The following RFX6 variants were observed in gnomAD, a reference collection of about 807,000 sequenced individuals.
RFX6 encodes regulatory factor X6.
RFX6 carries 50 observed loss-of-function variants against 110.8 expected under a neutral mutation model. That is an observed-to-expected ratio of 0.45 (90% confidence interval 0.36 to 0.57). The LOEUF is 0.57. RFX6 is among the 20% of genes least tolerant of loss of function. RFX6 has a pLI of 0.00. For missense variants in RFX6, 990 were observed against 1,127.0 expected (o/e 0.88, Z 1.74); for synonymous variants, 383 against 411.2 (o/e 0.93, Z 0.83).
chr6:116,878,454 T>C (rs1774515125), intron 2 of RFX6, among the ~76,000 whole-genome samples: 1 of 152,140 alleles, frequency 6.6e-6, no homozygotes, highest in African/African-American at 2.4e-5. Context: ...AAGATATCTA[T>C]ACTAACTTAA....
Position 116,877,283 on chromosome 6 carries a change from A to T in RFX6, c.8A>T (p.Lys3Met). 6.2e-7 allele frequency: 1 copy of T among 1,610,140 alleles called. No homozygotes were observed. Among genetic ancestry groups the T allele is most frequent in the Non-Finnish European group, 8.5e-7 (1 of 1,178,580 alleles). ...TGTCCGGCGGCCAGGAGGATGGCCA[A>T]GGTCCCGGAGCTGGAAGACACCTTC... MA[K>M]VPELEDTFLQ... is the part of the protein sequence containing the mutation. Residue 3 changes from lysine to methionine, a missense_variant, in exon 1 of 19, where the codon AAG becomes ATG. By Grantham distance (95) the Lys-to-Met change is moderately conservative. Coordinates refer to ENST00000332958, the MANE Select transcript of RFX6 (RefSeq NM_173560.4).
At position 116,916,075 on chromosome 6, in the gene RFX6, A is replaced by T. The variant is rs1394415813; in HGVS notation, c.848A>T (p.Asn283Ile). The change falls in exon 8 of 19, where the codon AAC (asparagine) becomes ATC (isoleucine). Residue 283 changes from asparagine to isoleucine, a missense_variant. This residue lies in a region of RFX6 where 243 missense variants were observed against 353.1 expected (regional missense o/e 0.69). Transcript: ENST00000332958. ...QCILDNAING[N>I]FEEIQHFLLH... The stretch of plus-strand genomic sequence containing the variant: ...ATCCTGGACAATGCAATTAATGGAA[A>T]CTTTGAAGAGGTAAGAATGACAAAG... 1 of 1,607,646 alleles carries T rather than the reference A, an allele frequency of 6.2e-7. No homozygotes were observed. Among genetic ancestry groups the T allele is most frequent in the South Asian group, 1.1e-5 (1 of 90,938 alleles).
intron 10 of RFX6, among the ~76,000 whole-genome samples, chr6:116,918,793 G>A (rs1001953603): frequency 6.6e-6 from 1 of 151,882 alleles, no homozygotes; most frequent in Non-Finnish European, 1.5e-5. Flanking sequence ...ATGATAGTTG[G>A]TATTAGCCTG....
chr6:116,882,918 C>T (rs1026028938), intron 4 of RFX6, among the ~76,000 whole-genome samples: 1 of 152,124 alleles, frequency 6.6e-6, no homozygotes, highest in Admixed American at 6.5e-5. Flanking sequence ...TAAATATAAA[C>T]ATAAACTAAG....
chr6:116,879,810 TAA>T (rs1023911711), intron 2 of RFX6, among the ~76,000 whole-genome samples: 2 of 152,046 alleles, frequency 1.3e-5, no homozygotes, highest in African/African-American at 4.8e-5. Context: ...TACATTTATA[TAA>T]GTTATGCTTA....
At chr6:116,900,615 C>G (rs1246775907) in intron 6 of RFX6, among the ~76,000 whole-genome samples, 1 of 150,866 alleles carries the variant, frequency 6.6e-6, no homozygotes, top group Non-Finnish European at 1.5e-5. Flanking sequence ...TTTTATTTCA[C>G]TATGAAATAA....
rs1268727952 is a variant in RFX6 at position 116,916,254 on chromosome 6, C to G, written c.912C>G (p.Pro304=). 1 of 1,612,672 alleles carries G rather than the reference C, an allele frequency of 6.2e-7. No homozygotes were observed. The highest frequency in any genetic ancestry group is 1.7e-5 in the Admixed American group (1 of 59,842). ...FWQGMPDHLL[P]LLENPVIIDI... ...AAGGAATGCCTGACCATCTCCTTCCCCTGCTCGAAAATCCTGTTATCATTG... is the reference window on the plus strand; with the variant it reads ...AAGGAATGCCTGACCATCTCCTTCCGCTGCTCGAAAATCCTGTTATCATTG... The change falls in exon 9 of 19, where the codon CCC becomes CCG. Residue 304 remains proline, a synonymous_variant. Transcript: ENST00000332958.
At chr6:116,930,611 G>A (rs1056918206) in intron 18 of RFX6, among the ~76,000 whole-genome samples, 4 of 152,170 alleles carry the variant, frequency 2.6e-5, no homozygotes, top group Non-Finnish European at 4.4e-5. Flanking sequence ...TCCTGAGGCA[G>A]AAACATTTGA....
At chr6:116,929,032 C>T (rs961095914) in intron 18 of RFX6, 61 bp downstream of exon 18, 2 of 1,046,482 alleles carry the variant, frequency 1.9e-6, no homozygotes, top group South Asian at 2.5e-5. Context: ...AGGTATGCAA[C>T]ATTACTTGAG....
intron 6 of RFX6, among the ~76,000 whole-genome samples, chr6:116,898,276 T>C (rs982611973): frequency 6.6e-6 from 1 of 152,170 alleles, no homozygotes; most frequent in Non-Finnish European, 1.5e-5. Context: ...GCATTGAATG[T>C]AGAACATTTA....
chr6:116,928,768 G>C lies in RFX6; in HGVS notation c.2408G>C (p.Gly803Ala). Residue 803 changes from glycine to alanine, a missense_variant, in exon 18 of 19, where the codon GGA becomes GCA. Around this residue, in one of 5 missense-constraint regions of RFX6, gnomAD observed 438 missense variants for 441.9 expected, o/e 0.99. Coordinates refer to ENST00000332958, the MANE Select transcript of RFX6 (RefSeq NM_173560.4). The part of the protein sequence containing the change: ...LPPNSPNGYY[G>A]SNINYPESHR... ...ACATTTTCTGTTACAGGATACTATG[G>C]AAGCAACATAAACTACCCAGAGTCT... 2 of 1,611,526 alleles carry C rather than the reference G, an allele frequency of 1.2e-6. No individual in the cohort carries two copies. Among genetic ancestry groups the C allele is most frequent in the Non-Finnish European group, 1.7e-6 (2 of 1,177,664 alleles).
At chr6:116,913,215 A>C (rs1052503208) in intron 7 of RFX6, among the ~76,000 whole-genome samples, 10 of 151,958 alleles carry the variant, frequency 6.6e-5, no homozygotes, top group Non-Finnish European at 1.5e-4. Flanking sequence ...GTGCCTGCCG[A>C]CATGCCTGGC....
chr6:116,910,581 T>C (rs957580529), intron 6 of RFX6, among the ~76,000 whole-genome samples: 1 of 152,232 alleles, frequency 6.6e-6, no homozygotes, highest in Non-Finnish European at 1.5e-5. Flanking sequence ...GATCCTCTTA[T>C]AGTTAAAATA....
chr6:116,880,437 A>C (rs1582507484), intron 2 of RFX6, 107 bp from the exon 3 acceptor site: 1 of 953,408 alleles, frequency 1.0e-6, no homozygotes, highest in East Asian at 2.6e-5. Flanking sequence ...ATGTCTACTC[A>C]TTACCTCATT....
intron 4 of RFX6, among the ~76,000 whole-genome samples, chr6:116,890,738 C>T (rs1192980310): frequency 2.6e-5 from 4 of 152,042 alleles, no homozygotes; most frequent in Non-Finnish European, 5.9e-5. Context: ...GTGTTATTTA[C>T]ATTTGACTTA....
Position 116,927,314 on chromosome 6 carries a change from G to A in RFX6, c.2173G>A (p.Gly725Ser), listed in dbSNP as rs749624985. The change falls in exon 17 of 19, where the codon GGT becomes AGT. Residue 725 changes from glycine (G) to serine (S), a missense_variant. Gly to Ser is a moderately conservative substitution (Grantham distance 56). Around this residue, in one of 5 missense-constraint regions of RFX6, gnomAD observed 438 missense variants for 441.9 expected, o/e 0.99. Coordinates refer to ENST00000332958, the MANE Select transcript of RFX6 (RefSeq NM_173560.4). ...ACTCTATCCTCATCACACCGAGCAT[G>A]GTCGATGCATGGCTTGGACTGAACA... ...SGLYPHHTEH[G>S]RCMAWTEQQL... The A allele has an allele frequency of 6.2e-7, 1 of 1,614,174 alleles. No individual in the cohort carries two copies. The highest frequency in any genetic ancestry group is 8.5e-7 in the Non-Finnish European group (1 of 1,180,020).
rs780714723 is a variant in RFX6, at chr6:116,877,442, A to C, written c.167A>C (p.Glu56Ala). 3.3e-5 allele frequency: 52 copies of C among 1,587,120 alleles called. No homozygotes were observed. Among genetic ancestry groups the C allele is most frequent in the Middle Eastern group, 1.7e-4 (1 of 6,048 alleles). Reference protein sequence around the residue: ...YLAAEGQPGGEQGGGEKGEDP... With the variant: ...YLAAEGQPGGAQGGGEKGEDP... Reference sequence around the variant, plus strand: ...GCGGCCGAAGGGCAGCCCGGGGGCGAGCAGGGCGGCGGGGAGAAAGGCGAA... The same window carrying C: ...GCGGCCGAAGGGCAGCCCGGGGGCGCGCAGGGCGGCGGGGAGAAAGGCGAA... The change falls in exon 1 of 19, where the codon GAG (glutamate) becomes GCG (alanine). Residue 56 changes from glutamate (E) to alanine (A), a missense_variant. This residue lies in a region of RFX6 where 175 missense variants were observed against 162.3 expected (regional missense o/e 1.08). Coordinates refer to ENST00000332958, the MANE Select transcript of RFX6 (RefSeq NM_173560.4).
chr6:116,915,227 T>C (rs1758158301), intron 7 of RFX6, among the ~76,000 whole-genome samples: 1 of 152,184 alleles, frequency 6.6e-6, no homozygotes, highest in Non-Finnish European at 1.5e-5. Context: ...CAAATATCCA[T>C]GGTAACTTGA....
At chr6:116,928,202 C>G (rs1034840769) in intron 17 of RFX6, among the ~76,000 whole-genome samples, 2 of 151,812 alleles carry the variant, frequency 1.3e-5, no homozygotes, top group Non-Finnish European at 2.9e-5. Context: ...TAACTAAAAG[C>G]AGATTTTAAA....
Sources: gnomAD v4.1 joint callset for allele counts (sites outside exome capture counted in the v4.1 genomes callset) on GRCh38, gnomAD v4.1.1 for gene constraint, gnomAD v4.1.1 regional missense constraint, MANE v1.5 for transcripts, NCBI Gene and HGNC (gene_info 2026-07-23, HGNC 2026-07-21) for gene names.